The following MYADM variants were observed in gnomAD, a reference collection of about 807,000 sequenced individuals.
MYADM encodes myeloid associated differentiation marker.
For missense variants in MYADM, 416 were observed against 443.4 expected (o/e 0.94, Z 0.56); for synonymous variants, 224 against 210.2 (o/e 1.07, Z -0.57).
upstream of MYADM, chr19:53,865,664 G>A (rs911560814): frequency 6.6e-6 from 1 of 152,038 alleles, no homozygotes; most frequent in Non-Finnish European, 1.5e-5. Context: ...CTGCTACCCT[G>A]AACCCTGCTG....
chr19:53,874,510 G>T lies in MYADM; in HGVS notation c.*12G>T. 2 of 1,573,594 alleles carry T rather than the reference G, an allele frequency of 1.3e-6. No individual in the cohort carries two copies. The highest frequency in any genetic ancestry group is 1.2e-5 in the South Asian group (1 of 86,654). ...TTGTCAAGGTCTAAGACTCTCCCAA[G>T]AGGCTCCCGTTCCCTCTCCAACCTC... On this transcript the variant is annotated 3_prime_UTR_variant, in exon 3 of 3. Transcript: ENST00000391770.
At position 53,873,658 on chromosome 19, in the gene MYADM, G is replaced by T; in HGVS notation, c.129G>T (p.Gln43His). 6.2e-7 allele frequency: 1 copy of T among 1,614,158 alleles called. No homozygotes were observed. Among genetic ancestry groups the T allele is most frequent in the Non-Finnish European group, 8.5e-7 (1 of 1,180,026 alleles). Residue 43 changes from glutamine to histidine, a missense_variant, in exon 3 of 3, where the codon CAG (glutamine) becomes CAT (histidine). Coordinates refer to ENST00000391770, the MANE Select transcript of MYADM (RefSeq NM_138373.5). This position sits in a 1 kb window ranked among gnomAD's most constrained non-coding sequence, Gnocchi z 4.3. ...TQPLGLLRLL[Q>H]LVSTCVAFSL... ...CCCTGGGTCTCCTTCGCCTGCTGCA[G>T]CTGGTGTCTACCTGCGTGGCCTTCT...
intron 2 of MYADM, among the ~76,000 whole-genome samples, chr19:53,872,342 C>T (rs2068408037): frequency 6.6e-6 from 1 of 151,882 alleles, no homozygotes; most frequent in Non-Finnish European, 1.5e-5. Context: ...ATTGCAGGTG[C>T]ATGCCACCAC....
intron 2 of MYADM, among the ~76,000 whole-genome samples, chr19:53,871,172 C>T (rs568182982): frequency 2.0e-5 from 3 of 152,032 alleles, no homozygotes; most frequent in East Asian, 3.9e-4. Flanking sequence ...CGGAGGTTGC[C>T]GTGAGTCAAG....
chr19:53,870,339 T>C (rs1241907661), intron 2 of MYADM, among the ~76,000 whole-genome samples: 4 of 75,814 alleles, frequency 5.3e-5, no homozygotes, highest in East Asian at 3.7e-4. Flanking sequence ...GGGGCTGGGG[T>C]CTGGACTCCT....
At position 53,874,731 on chromosome 19, in the gene MYADM, C is replaced by T. The variant is rs2068488259; in HGVS notation, c.*233C>T. Reference sequence around the variant, plus strand: ...CCTTCCTGTGTTGTTTTGTTGCCCACATCCTGTTTTCACCCCTGAGCTGTT... The same window carrying T: ...CCTTCCTGTGTTGTTTTGTTGCCCATATCCTGTTTTCACCCCTGAGCTGTT... On this transcript the variant is annotated 3_prime_UTR_variant, in exon 3 of 3. Coordinates refer to ENST00000391770, the MANE Select transcript of MYADM (RefSeq NM_138373.5). The T allele has an allele frequency of 2.3e-6, 1 of 428,288 alleles. No homozygotes were observed. Among genetic ancestry groups the T allele is most frequent in the Non-Finnish European group, 4.2e-6 (1 of 235,432 alleles). 26.5% of individuals were successfully genotyped at this position (428,288 alleles called of 1,614,324 possible). A position where few individuals can be genotyped will look rare whatever the true frequency, so the allele number is the denominator to read the frequency against.
rs561030586 is a variant in MYADM, at chr19:53,873,405, C to T, written c.-2-123C>T. On this transcript the variant is annotated intron_variant, in intron 2 of 2. Transcript: ENST00000391770. This position sits in a 1 kb window ranked among gnomAD's most constrained non-coding sequence, Gnocchi z 4.3. ...AAAAAGAAAAGAAAACCGAAAGCCC[C>T]ACATCTTGGGAACTCCCTAATTAGA... The T allele has an allele frequency of 1.1e-4, 117 of 1,075,910 alleles. 1 individual carries two copies. The South Asian group carries it at 1.8e-3, about 16-fold the overall frequency. 66.6% of individuals were successfully genotyped at this position (1,075,910 alleles called of 1,614,324 possible).
rs2068478150 is a variant in MYADM at position 53,874,424 on chromosome 19, C to G, written c.895C>G (p.Leu299Val). The G allele has an allele frequency of 6.2e-7, 1 of 1,614,170 alleles. No homozygotes were observed. The highest frequency in any genetic ancestry group is 2.2e-5 in the East Asian group (1 of 44,882). The change falls in exon 3 of 3, where the codon CTG becomes GTG. Residue 299 changes from leucine (L) to valine (V), a missense_variant. By Grantham distance (32) the Leu-to-Val change is conservative. Coordinates refer to ENST00000391770, the MANE Select transcript of MYADM (RefSeq NM_138373.5). ...AWDRRLAVAI[L>V]TAINLLAYVA... ...GGACCGCCGACTGGCTGTGGCCATC[C>G]TGACGGCCATCAACCTACTGGCGTA...
chr19:53,870,893 C>T (rs1464378855), intron 2 of MYADM, among the ~76,000 whole-genome samples: 3 of 152,130 alleles, frequency 2.0e-5, no homozygotes, highest in Admixed American at 1.3e-4. Context: ...CATCTGGGAT[C>T]CTTCAGGCTA....
intron 2 of MYADM, among the ~76,000 whole-genome samples, chr19:53,871,038 C>T (rs1181558857): frequency 6.6e-6 from 1 of 152,150 alleles, no homozygotes; most frequent in African/African-American, 2.4e-5. Context: ...TGAGACCAGC[C>T]TGGCCAACAT....
chr19:53,874,319 G>A lies in MYADM; in HGVS notation c.790G>A (p.Asp264Asn), dbSNP rs1305359011. The A allele has an allele frequency of 1.2e-6, 2 of 1,612,346 alleles. No homozygotes were observed. Among genetic ancestry groups the A allele is most frequent in the Admixed American group, 1.7e-5 (1 of 59,946 alleles). Residue 264 changes from aspartate to asparagine, a missense_variant, in exon 3 of 3, where the codon GAT becomes AAT. Physicochemically the swap from Asp to Asn is conservative, Grantham distance 23. Coordinates refer to ENST00000391770, the MANE Select transcript of MYADM (RefSeq NM_138373.5). ...TGTTCTCTGGCCCCTCTACCAGTTC[G>A]ATGAGAAGTATGGCGGCCAGCCTCG... Reference protein sequence around the residue: ...ALVLWPLYQFDEKYGGQPRRS... With the variant: ...ALVLWPLYQFNEKYGGQPRRS...
rs955598222 is a variant in MYADM at position 53,872,513 on chromosome 19, A to AT, written c.-2-1003dup. On this transcript the variant is annotated intron_variant, in intron 2 of 2. Transcript: ENST00000391770. Reference sequence around the variant, plus strand: ...CCCGGCCTATTTGTAATTAAAAAAAATTTTTTTTTTTTGAGTCAGGGTCTC... The same window carrying AT: ...CCCGGCCTATTTGTAATTAAAAAAAATTTTTTTTTTTTTGAGTCAGGGTCTC... Among the ~76,000 whole-genome samples, 83 of 145,314 alleles carry AT rather than the reference A, an allele frequency of 5.7e-4. 1 individual carries two copies. The highest frequency in any genetic ancestry group is 1.3e-3 in the Admixed American group (19 of 14,398).
Position 53,873,680 on chromosome 19 carries a change from T to C in MYADM, c.151T>C (p.Phe51Leu), listed in dbSNP as rs1392649045. 6.2e-7 allele frequency: 1 copy of C among 1,614,088 alleles called. No individual in the cohort carries two copies. The highest frequency in any genetic ancestry group is 1.1e-5 in the South Asian group (1 of 91,088). ...GCAGCTGGTGTCTACCTGCGTGGCC[T>C]TCTCGCTGGTGGCTAGCGTGGGCGC... ...LLQLVSTCVA[F>L]SLVASVGAWT... is the part of the protein sequence containing the mutation. Residue 51 changes from phenylalanine (F) to leucine (L), a missense_variant, in exon 3 of 3, where the codon TTC becomes CTC. Transcript: ENST00000391770. The surrounding 1 kb of genome is among the most constrained non-coding windows in gnomAD (Gnocchi z 4.3).
rs2068514260 is a variant in MYADM, at chr19:53,875,494, A to G, written c.*996A>G. On this transcript the variant is annotated 3_prime_UTR_variant, in exon 3 of 3. Transcript: ENST00000391770. Reference sequence around the variant, plus strand: ...GCCTAGAGGCCATCTTAAAGGAAGCAGGGGCTGGATGCCTTTCATCCCAAC... The same window carrying G: ...GCCTAGAGGCCATCTTAAAGGAAGCGGGGGCTGGATGCCTTTCATCCCAAC... 1 of 165,526 alleles carries G rather than the reference A, an allele frequency of 6.0e-6. No individual in the cohort carries two copies. 10.3% of individuals were successfully genotyped at this position (165,526 alleles called of 1,614,324 possible). A position where few individuals can be genotyped will look rare whatever the true frequency, so the allele number is the denominator to read the frequency against.
upstream of MYADM, among the ~76,000 whole-genome samples, chr19:53,866,675 C>T (rs1358505720): frequency 9.9e-5 from 15 of 152,098 alleles, no homozygotes; most frequent in Admixed American, 8.5e-4. The surrounding 1 kb of genome is among the most constrained non-coding windows in gnomAD (Gnocchi z 4.3). Flanking sequence ...CCAGCCCCAG[C>T]CCCATCCTCA....
chr19:53,872,321 G>A lies in MYADM; in HGVS notation c.-2-1207G>A, dbSNP rs370090407. Among the ~76,000 whole-genome samples, 294 of 151,920 alleles carry A rather than the reference G, an allele frequency of 1.9e-3. 3 individuals are homozygous for A. The highest frequency in any genetic ancestry group is 6.7e-3 in the African/African-American group (277 of 41,394). Reference sequence around the variant, plus strand: ...AGTGATTCTCCTGCCTCAGTCTCCCGAGTAGCTGGGATTGCAGGTGCATGC... The same window carrying A: ...AGTGATTCTCCTGCCTCAGTCTCCCAAGTAGCTGGGATTGCAGGTGCATGC... On this transcript the variant is annotated intron_variant, in intron 2 of 2. Coordinates refer to ENST00000391770, the MANE Select transcript of MYADM (RefSeq NM_138373.5).
In MYADM at chr19:53,874,535, C is replaced by T. The variant is rs775615235; in HGVS notation, c.*37C>T. On this transcript the variant is annotated 3_prime_UTR_variant, in exon 3 of 3. Coordinates refer to ENST00000391770, the MANE Select transcript of MYADM (RefSeq NM_138373.5). Reference sequence around the variant, plus strand: ...GAGGCTCCCGTTCCCTCTCCAACCTCTTTGTTCTTCTTGCCCGAGTTTTCT... The same window carrying T: ...GAGGCTCCCGTTCCCTCTCCAACCTTTTTGTTCTTCTTGCCCGAGTTTTCT... 1 of 1,524,448 alleles carries T rather than the reference C, an allele frequency of 6.6e-7. No individual in the cohort carries two copies. Among genetic ancestry groups the T allele is most frequent in the South Asian group, 1.3e-5 (1 of 77,836 alleles). The allele number at this position is 1,524,448 out of a possible 1,614,324, so 94.4% of individuals were successfully genotyped here. A position where few individuals can be genotyped will look rare whatever the true frequency, so the allele number is the denominator to read the frequency against.
intron 2 of MYADM, among the ~76,000 whole-genome samples, chr19:53,870,060 G>A (rs1472860469): frequency 2.7e-5 from 3 of 111,052 alleles, no homozygotes; most frequent in Non-Finnish European, 5.3e-5. Context: ...TGGACTCCGG[G>A]GTCCGAGGGA....
In MYADM at chr19:53,873,548, C is replaced by A; in HGVS notation, c.19C>A (p.Arg7Ser). 3 of 1,606,932 alleles carry A rather than the reference C, an allele frequency of 1.9e-6. No individual in the cohort carries two copies. Among genetic ancestry groups the A allele is most frequent in the Non-Finnish European group, 2.6e-6 (3 of 1,175,390 alleles). Residue 7 changes from arginine (R) to serine (S), a missense_variant, in exon 3 of 3, where the codon CGC (arginine) becomes AGC (serine). Arg to Ser is a moderately radical substitution (Grantham distance 110). Coordinates refer to ENST00000391770, the MANE Select transcript of MYADM (RefSeq NM_138373.5). The surrounding 1 kb of genome is among the most constrained non-coding windows in gnomAD (Gnocchi z 4.3). MPVTVTRTTITTTTTSS... is the reference protein window; with the variant it reads MPVTVTSTTITTTTTSS... ...TGCAGCCATGCCAGTGACGGTAACC[C>A]GCACCACCATCACAACCACCACGAC...
Sources: allele counts gnomAD v4.1 joint callset (sites outside exome capture counted in the v4.1 genomes callset), GRCh38; gene constraint gnomAD v4.1.1; non-coding constraint Gnocchi (gnomAD v3.1); transcripts MANE v1.5; gene names NCBI Gene and HGNC (gene_info 2026-07-23, HGNC 2026-07-21).